The following WDFY2 variants were observed in gnomAD, a reference collection of about 807,000 sequenced individuals.
WDFY2 encodes WD repeat and FYVE domain-containing protein 2.
Under a neutral mutation model 56.4 loss-of-function variants are expected in WDFY2, and 36 were observed. That is an observed-to-expected ratio of 0.64 (90% CI 0.49 to 0.84). The LOEUF is 0.84. WDFY2 is among the 40% of genes least tolerant of loss of function. The probability of loss-of-function intolerance (pLI) is 0.00; values close to 1 mark genes in which losing one functional copy is unlikely to be tolerated. For missense variants in WDFY2, 444 were observed against 512.2 expected, an observed-to-expected ratio of 0.87 and a Z score of 1.29; for synonymous variants, 176 against 183.7, an observed-to-expected ratio of 0.96 and a Z score of 0.34.
chr13:51,694,767 T>C (rs1041060946), intron 3 of WDFY2, among the ~76,000 whole-genome samples: 5 of 152,226 alleles, frequency 3.3e-5, no homozygotes, highest in Non-Finnish European at 7.3e-5. Flanking sequence ...GATAATATCC[T>C]GCAGAGTGTT....
At chr13:51,606,597 A>G (rs1325102883) in intron 1 of WDFY2, among the ~76,000 whole-genome samples, 2 of 152,200 alleles carry the variant, frequency 1.3e-5, no homozygotes, top group Non-Finnish European at 1.5e-5. Flanking sequence ...GTTCATATCA[A>G]TGGAATATGA....
At chr13:51,733,794 A>T (rs1403406758) in intron 6 of WDFY2, among the ~76,000 whole-genome samples, 3 of 152,186 alleles carry the variant, frequency 2.0e-5, no homozygotes, top group African/African-American at 7.2e-5. Context: ...TGTCTAGAGC[A>T]TGTATTGGCT....
chr13:51,664,231 G>C (rs888566965), intron 2 of WDFY2, among the ~76,000 whole-genome samples: 1 of 152,208 alleles, frequency 6.6e-6, no homozygotes, highest in Non-Finnish European at 1.5e-5. Context: ...CTTTGGGGAT[G>C]TCTTCCTACC....
chr13:51,592,285 A>G (rs1343042229), intron 1 of WDFY2: 1 of 152,222 alleles, frequency 6.6e-6, no homozygotes, highest in Non-Finnish European at 1.5e-5. Flanking sequence ...CATCTAAATT[A>G]TGAATGTTGC....
intron 6 of WDFY2, among the ~76,000 whole-genome samples, chr13:51,730,353 T>TACAG (rs1382818258): frequency 6.6e-6 from 1 of 152,190 alleles, no homozygotes; most frequent in Non-Finnish European, 1.5e-5. Context: ...TTGTGGCCAT[T>TACAG]CCTTCTGGCT....
At chr13:51,605,035 G>T (rs527730921) in intron 1 of WDFY2, among the ~76,000 whole-genome samples, 1 of 152,346 alleles carries the variant, frequency 6.6e-6, no homozygotes, top group African/African-American at 2.4e-5. Context: ...CCTTGGGGAT[G>T]GATGCAATAT....
intron 3 of WDFY2, among the ~76,000 whole-genome samples, chr13:51,695,814 G>C (rs1355566840): frequency 6.6e-6 from 1 of 152,244 alleles, no homozygotes; most frequent in Admixed American, 6.5e-5. Flanking sequence ...GCCTCCTTGA[G>C]CTGTGGTGGG....
At chr13:51,679,990 T>TA in intron 3 of WDFY2, among the ~76,000 whole-genome samples, 1 of 152,298 alleles carries the variant, frequency 6.6e-6, no homozygotes, top group East Asian at 1.9e-4. Flanking sequence ...AGTGGTGCTA[T>TA]AATAGCTCAC....
At chr13:51,719,861 T>TGTTCCAGGAATGAGACACTTTCAGA (rs1461001094) in intron 5 of WDFY2, among the ~76,000 whole-genome samples, 3 of 152,192 alleles carry the variant, frequency 2.0e-5, no homozygotes, top group Non-Finnish European at 2.9e-5. Flanking sequence ...TTAAAAGCTT[T>TGTTCCAGGAATGAGACACTTTCAGA]GTTCCAGGAA....
chr13:51,748,398 A>G (rs1394964089), intron 7 of WDFY2, among the ~76,000 whole-genome samples: 1 of 152,212 alleles, frequency 6.6e-6, no homozygotes, highest in Non-Finnish European at 1.5e-5. Context: ...CTTGCTGAGA[A>G]ATCAACTATT....
In WDFY2 at chr13:51,762,090, T is replaced by TTA. The variant is rs528470909; in HGVS notation, c.*2321_*2322insTA. ...CAGCCACTTACTAAGTTGTATGTAA[T>TTA]ATAGGACTGTGTGTTGGAAATGAGT... On this transcript the variant is annotated 3_prime_UTR_variant, in exon 12 of 12. Coordinates refer to ENST00000298125, the MANE Select transcript of WDFY2 (RefSeq NM_052950.4). 63 of 152,368 alleles carry TTA rather than the reference T, an allele frequency of 4.1e-4. No homozygotes were observed. The highest frequency in any genetic ancestry group is 1.4e-3 in the African/African-American group (57 of 41,584). The allele number at this position is 152,368 out of a possible 1,614,324, so 9.4% of individuals were successfully genotyped here. A position where few individuals can be genotyped will look rare whatever the true frequency, so the allele number is the denominator to read the frequency against.
chr13:51,731,353 C>T (rs558866019), intron 6 of WDFY2, among the ~76,000 whole-genome samples: 5 of 152,268 alleles, frequency 3.3e-5, no homozygotes, highest in East Asian at 1.9e-4. Context: ...TCAAAGGTCC[C>T]GTGTTTTGCA....
At chr13:51,631,252 G>A (rs1043223197) in intron 1 of WDFY2, among the ~76,000 whole-genome samples, 2 of 151,916 alleles carry the variant, frequency 1.3e-5, no homozygotes, top group Admixed American at 1.3e-4. Context: ...TCAGCTGGGT[G>A]TGGTGGCTTG....
intron 3 of WDFY2, among the ~76,000 whole-genome samples, chr13:51,702,363 T>C (rs1052491601): frequency 2.0e-5 from 3 of 152,058 alleles, no homozygotes; most frequent in Non-Finnish European, 2.9e-5. Flanking sequence ...GGTCTAACTC[T>C]TCCAAAACAA....
intron 1 of WDFY2, among the ~76,000 whole-genome samples, chr13:51,635,405 G>A (rs1238469089): frequency 6.6e-6 from 1 of 152,204 alleles, no homozygotes; most frequent in African/African-American, 2.4e-5. Flanking sequence ...TAAATTAGAC[G>A]TGATCAAATC....
chr13:51,738,075 T>C (rs1952881624), intron 6 of WDFY2, among the ~76,000 whole-genome samples: 1 of 152,198 alleles, frequency 6.6e-6, no homozygotes, highest in Admixed American at 6.5e-5. Flanking sequence ...AGTGTAGCAC[T>C]TCATTAGAAC....
intron 5 of WDFY2, among the ~76,000 whole-genome samples, chr13:51,719,712 A>G (rs1360489536): frequency 2.0e-5 from 3 of 152,240 alleles, no homozygotes; most frequent in African/African-American, 4.8e-5. Flanking sequence ...GAAGTAATTT[A>G]CACATAGATA....
chr13:51,594,563 T>C (rs1361462020), intron 1 of WDFY2, among the ~76,000 whole-genome samples: 2 of 151,956 alleles, frequency 1.3e-5, no homozygotes, highest in Non-Finnish European at 2.9e-5. Flanking sequence ...TTGCCTCTTT[T>C]AGCACCAGTT....
At position 51,727,839 on chromosome 13, in the gene WDFY2, C is replaced by T. The variant is rs368290311; in HGVS notation, c.598+49C>T. On this transcript the variant is annotated intron_variant, in intron 6 of 11. Transcript: ENST00000298125. ...ATGTGCTGATAGCACAGTGAGATATCGCCTGCTGCATCTCCTGATGTTCAG... is the reference window on the plus strand; with the variant it reads ...ATGTGCTGATAGCACAGTGAGATATTGCCTGCTGCATCTCCTGATGTTCAG... The T allele has an allele frequency of 4.5e-5, 70 of 1,540,044 alleles. 1 individual carries two copies. The highest frequency in any genetic ancestry group is 3.8e-4 in the African/African-American group (28 of 73,388).
Sources: allele counts gnomAD v4.1 joint callset (sites outside exome capture counted in the v4.1 genomes callset), GRCh38; gene constraint gnomAD v4.1.1; transcripts MANE v1.5; gene names NCBI Gene and HGNC (gene_info 2026-07-23, HGNC 2026-07-21).